ADAT2: variants seen among roughly 807,000 people sequenced by gnomAD.
ADAT2 encodes the protein tRNA-specific adenosine-34 deaminase catalytic subunit ADAT2.
A neutral mutation model predicts 25.9 loss-of-function variants in ADAT2; 26 were observed. That is an observed-to-expected ratio of 1.00 (90% CI 0.74 to 1.39). ADAT2 has a LOEUF of 1.39. Among genes scored for constraint, ADAT2 ranks in the 40% most tolerant of loss-of-function variants. ADAT2 has a pLI of 0.00. For missense variants in ADAT2, 220 were observed against 244.8 expected, an observed-to-expected ratio of 0.90 and a Z score of 0.68; for synonymous variants, 76 against 86.8, an observed-to-expected ratio of 0.88 and a Z score of 0.69.
In ADAT2 at chr6:143,446,267, T is replaced by C. The variant is rs1363376371; in HGVS notation, c.96+4296A>G. On this transcript the variant is annotated intron_variant, in intron 1 of 5. Coordinates refer to ENST00000237283, the MANE Select transcript of ADAT2 (RefSeq NM_182503.3). The surrounding 1 kb of genome is among the most constrained non-coding windows in gnomAD (Gnocchi z 5.0). ...GCCCTTTTCATTTAGAAATGTATTG[T>C]TAACCTTTCCCTATATTGGGTAATA... 1.3e-5 allele frequency among the ~76,000 whole-genome samples: 2 copies of C among 152,200 alleles called. No homozygotes were observed. The highest frequency in any genetic ancestry group is 2.9e-5 in the Non-Finnish European group (2 of 68,032).
intron 4 of ADAT2, among the ~76,000 whole-genome samples, chr6:143,430,790 C>T (rs1379552539): frequency 6.6e-6 from 1 of 152,144 alleles, no homozygotes; most frequent in East Asian, 1.9e-4. Context: ...TGGTCTCGAT[C>T]TCCTGACCTC....
In ADAT2 at chr6:143,428,702, T is replaced by C. The variant is rs777593745; in HGVS notation, c.460-18A>G. ...GGGATACACTGATGGAATGAGAAAGTTGAGAATAAACATAGGCCTATGAAA... is the reference window on the plus strand; with the variant it reads ...GGGATACACTGATGGAATGAGAAAGCTGAGAATAAACATAGGCCTATGAAA... On this transcript the variant is annotated intron_variant, in intron 4 of 5. Transcript: ENST00000237283. This position sits in a 1 kb window ranked among gnomAD's most constrained non-coding sequence, Gnocchi z 5.0. The C allele has an allele frequency of 3.1e-6, 5 of 1,612,528 alleles. No homozygotes were observed. The highest frequency in any genetic ancestry group is 4.5e-5 in the East Asian group (2 of 44,852).
chr6:143,428,257 T>C lies in ADAT2; in HGVS notation c.*206A>G, dbSNP rs1778998391. 3.3e-6 allele frequency: 2 copies of C among 605,872 alleles called. No individual in the cohort carries two copies. The highest frequency in any genetic ancestry group is 2.3e-5 in the South Asian group (1 of 43,946). The allele number at this position is 605,872 out of a possible 1,614,324, so 37.5% of individuals were successfully genotyped here. ...CCCCATCTTAAAATGGGAATCAGCT[T>C]CTGGAAAAGCTAATAACTGTTTACA... On this transcript the variant is annotated 3_prime_UTR_variant, in exon 6 of 6. Coordinates refer to ENST00000237283, the MANE Select transcript of ADAT2 (RefSeq NM_182503.3). This position sits in a 1 kb window ranked among gnomAD's most constrained non-coding sequence, Gnocchi z 5.0.
At position 143,427,175 on chromosome 6, in the gene ADAT2, G is replaced by C. The variant is rs1562634242; in HGVS notation, c.*1288C>G. 1 of 149,852 alleles carries C rather than the reference G, an allele frequency of 6.7e-6. No homozygotes were observed. Among genetic ancestry groups the C allele is most frequent in the African/African-American group, 2.5e-5 (1 of 40,812 alleles). The allele number at this position is 149,852 out of a possible 1,614,324, so 9.3% of individuals were successfully genotyped here. A position where few individuals can be genotyped will look rare whatever the true frequency, so the allele number is the denominator to read the frequency against. ...TAAGTCCTCTGAAGCATGTAACTGT[G>C]ATTAGCTGCTACTCTCAGCAATATA... On this transcript the variant is annotated 3_prime_UTR_variant, in exon 6 of 6. Transcript: ENST00000237283.
At position 143,440,225 on chromosome 6, in the gene ADAT2, T is replaced by A. The variant is rs1261161816; in HGVS notation, c.97-1531A>T. On this transcript the variant is annotated intron_variant, in intron 1 of 5. Coordinates refer to ENST00000237283, the MANE Select transcript of ADAT2 (RefSeq NM_182503.3). This position sits in a 1 kb window ranked among gnomAD's most constrained non-coding sequence, Gnocchi z 4.5. Reference sequence around the variant, plus strand: ...CAGCCCTGAAGAGACTTTGGAAGACTTGATTCTCACTTAAGTGCAGGTACT... The same window carrying A: ...CAGCCCTGAAGAGACTTTGGAAGACATGATTCTCACTTAAGTGCAGGTACT... Among the ~76,000 whole-genome samples the A allele has an allele frequency of 6.6e-6, 1 of 152,192 alleles. No homozygotes were observed. Among genetic ancestry groups the A allele is most frequent in the East Asian group, 1.9e-4 (1 of 5,200 alleles).
At chr6:143,441,340 A>T (rs899633102) in intron 1 of ADAT2, 5 of 152,186 alleles carry the variant, frequency 3.3e-5, no homozygotes, top group African/African-American at 1.2e-4. Flanking sequence ...TAAAATAATA[A>T]TCCCATTAGA....
Position 143,444,156 on chromosome 6 carries a change from C to T in ADAT2, c.97-5462G>A, listed in dbSNP as rs1562644482. 6.6e-6 allele frequency among the ~76,000 whole-genome samples: 1 copy of T among 152,294 alleles called. No homozygotes were observed. The highest frequency in any genetic ancestry group is 1.9e-4 in the East Asian group (1 of 5,192). On this transcript the variant is annotated intron_variant, in intron 1 of 5. Transcript: ENST00000237283. This position sits in a 1 kb window ranked among gnomAD's most constrained non-coding sequence, Gnocchi z 4.3. ...AGCAAATTTATTTCATTTCACTCCTCTCAATATTATCTTCATGTTTATTTT... is the reference window on the plus strand; with the variant it reads ...AGCAAATTTATTTCATTTCACTCCTTTCAATATTATCTTCATGTTTATTTT...
chr6:143,430,603 C>T (rs1230885545), intron 4 of ADAT2, among the ~76,000 whole-genome samples: 1 of 152,066 alleles, frequency 6.6e-6, no homozygotes, highest in Non-Finnish European at 1.5e-5. Context: ...ACTCTGTCGC[C>T]CAGGCTGGAG....
intron 2 of ADAT2, among the ~76,000 whole-genome samples, chr6:143,438,275 T>C (rs1779350003): frequency 6.6e-6 from 1 of 152,216 alleles, no homozygotes; most frequent in Non-Finnish European, 1.5e-5. Flanking sequence ...ATGCTGACAT[T>C]CTGATGAAAT....
chr6:143,429,196 A>G (rs772161797), intron 4 of ADAT2, among the ~76,000 whole-genome samples: 5 of 152,226 alleles, frequency 3.3e-5, no homozygotes, highest in African/African-American at 9.6e-5. Flanking sequence ...AATCTGTTCC[A>G]TAGCTGAGAA....
In ADAT2 at chr6:143,428,819, T is replaced by C. The variant is rs1779019957; in HGVS notation, c.460-135A>G. 1 of 790,032 alleles carries C rather than the reference T, an allele frequency of 1.3e-6. No homozygotes were observed. Among genetic ancestry groups the C allele is most frequent in the Admixed American group, 2.8e-5 (1 of 35,356 alleles). 48.9% of individuals were successfully genotyped at this position (790,032 alleles called of 1,614,324 possible). ...ATAAACTTTGGGGATATTAGTAACATGGGTAAGGAGGTACACTTCCAAAAG... is the reference window on the plus strand; with the variant it reads ...ATAAACTTTGGGGATATTAGTAACACGGGTAAGGAGGTACACTTCCAAAAG... On this transcript the variant is annotated intron_variant, in intron 4 of 5. Transcript: ENST00000237283. The surrounding 1 kb of genome is among the most constrained non-coding windows in gnomAD (Gnocchi z 5.0).
At chr6:143,445,245 C>A (rs1779566520) in intron 1 of ADAT2, among the ~76,000 whole-genome samples, 1 of 151,984 alleles carries the variant, frequency 6.6e-6, no homozygotes, top group African/African-American at 2.4e-5. Context: ...CCGAACCAAC[C>A]TAACTTTTCA....
In ADAT2 at chr6:143,442,996, G is replaced by A. The variant is rs1465907256; in HGVS notation, c.97-4302C>T. On this transcript the variant is annotated intron_variant, in intron 1 of 5. Coordinates refer to ENST00000237283, the MANE Select transcript of ADAT2 (RefSeq NM_182503.3). This position sits in a 1 kb window ranked among gnomAD's most constrained non-coding sequence, Gnocchi z 4.6. ...TTTTGTCTGCATCTCGAGTATTCTG[G>A]TTCTGAGAGCTTGAACATAAGAGCT... Among the ~76,000 whole-genome samples the A allele has an allele frequency of 6.6e-6, 1 of 152,112 alleles. No homozygotes were observed. Among genetic ancestry groups the A allele is most frequent in the Non-Finnish European group, 1.5e-5 (1 of 68,008 alleles).
rs1386454572 is a variant in ADAT2, at chr6:143,440,804, T to C, written c.97-2110A>G. Among the ~76,000 whole-genome samples the C allele has an allele frequency of 1.3e-5, 2 of 152,138 alleles. No homozygotes were observed. The highest frequency in any genetic ancestry group is 2.9e-5 in the Non-Finnish European group (2 of 68,026). ...CTATGGCAATTATTATACTAAGAAT[T>C]TTATTTAAGGTAAGTGTAGAATTAC... On this transcript the variant is annotated intron_variant, in intron 1 of 5. Transcript: ENST00000237283. This position sits in a 1 kb window ranked among gnomAD's most constrained non-coding sequence, Gnocchi z 4.5.
Position 143,442,369 on chromosome 6 carries a change from T to C in ADAT2, c.97-3675A>G, listed in dbSNP as rs1325542456. Among the ~76,000 whole-genome samples the C allele has an allele frequency of 6.6e-6, 1 of 151,906 alleles. No homozygotes were observed. Among genetic ancestry groups the C allele is most frequent in the East Asian group, 1.9e-4 (1 of 5,184 alleles). ...ATAAAATTATAGACAGAGAACAGAT[T>C]AGAAGCTGCAGCTATAAAGAGGTAG... On this transcript the variant is annotated intron_variant, in intron 1 of 5. Transcript: ENST00000237283. This position sits in a 1 kb window ranked among gnomAD's most constrained non-coding sequence, Gnocchi z 4.6.
intron 3 of ADAT2, among the ~76,000 whole-genome samples, chr6:143,433,567 T>C (rs1162872059): frequency 6.6e-6 from 1 of 152,246 alleles, no homozygotes; most frequent in African/African-American, 2.4e-5. Flanking sequence ...ATTTATGATT[T>C]ACCTTTATAT....
At chr6:143,445,653 T>C (rs1376227114) in intron 1 of ADAT2, among the ~76,000 whole-genome samples, 1 of 152,208 alleles carries the variant, frequency 6.6e-6, no homozygotes, top group East Asian at 1.9e-4. Flanking sequence ...TTGGACATGT[T>C]ACTTACCAAC....
chr6:143,427,134 C>CACAA lies in ADAT2; in HGVS notation c.*1328_*1329insTTGT, dbSNP rs1554277477. On this transcript the variant is annotated 3_prime_UTR_variant, in exon 6 of 6. Coordinates refer to ENST00000237283, the MANE Select transcript of ADAT2 (RefSeq NM_182503.3). ...ACACACACACACACACACACACACA[C>CACAA]AAAACCAAGCAATTATAAGTCCTCT... is the stretch of plus-strand genomic sequence containing the variant. 6.6e-6 allele frequency: 1 copy of CACAA among 151,546 alleles called. No individual in the cohort carries two copies. Among genetic ancestry groups the CACAA allele is most frequent in the African/African-American group, 2.4e-5 (1 of 40,840 alleles). 9.4% of individuals were successfully genotyped at this position (151,546 alleles called of 1,614,324 possible).
Position 143,446,226 on chromosome 6 carries a change from T to C in ADAT2, c.96+4337A>G, listed in dbSNP as rs1316014096. On this transcript the variant is annotated intron_variant, in intron 1 of 5. Transcript: ENST00000237283. This position sits in a 1 kb window ranked among gnomAD's most constrained non-coding sequence, Gnocchi z 5.0. The stretch of plus-strand genomic sequence containing the variant: ...AAGTCAAATAGATTTACACTGTATA[T>C]ACAGTTCAGCAGTCTGCCCTTTTCA... Among the ~76,000 whole-genome samples, 1 of 152,166 alleles carries C rather than the reference T, an allele frequency of 6.6e-6. No individual in the cohort carries two copies. Among genetic ancestry groups the C allele is most frequent in the East Asian group, 1.9e-4 (1 of 5,190 alleles).
Sources: allele counts gnomAD v4.1 joint callset (sites outside exome capture counted in the v4.1 genomes callset), GRCh38; gene constraint gnomAD v4.1.1; non-coding constraint Gnocchi (gnomAD v3.1); transcripts MANE v1.5; gene names NCBI Gene and HGNC (gene_info 2026-07-23, HGNC 2026-07-21).